The following VWA3B variants were observed in gnomAD, a reference collection of about 807,000 sequenced individuals.
VWA3B encodes von Willebrand factor A domain containing 3B.
VWA3B carries 138 observed loss-of-function variants against 158.3 expected under a neutral mutation model. That is an observed-to-expected ratio of 0.87 (90% CI 0.76 to 1.00). VWA3B has a LOEUF of 1.00. VWA3B is among the 50% of genes least tolerant of loss of function. VWA3B has a pLI of 0.00. For synonymous variants in VWA3B, 596 were observed against 587.3 expected (o/e 1.01, Z -0.21); for missense variants, 1,555 against 1,565.1 (o/e 0.99, Z 0.11).
chr2:98,147,864 C>A (rs1280469223), intron 7 of VWA3B, among the ~76,000 whole-genome samples: 2 of 145,592 alleles, frequency 1.4e-5, no homozygotes, highest in Non-Finnish European at 3.0e-5. Flanking sequence ...CCCCACCCCA[C>A]GACAGGCCCC....
At position 98,246,909 on chromosome 2, in the gene VWA3B, A is replaced by G. The variant is rs137860374; in HGVS notation, c.2674-3409A>G. ...ATATTTGAACTTTTTTTAACCTCTTATTTTTTATGCTTTCTGTTAAATGTC... is the reference window on the plus strand; with the variant it reads ...ATATTTGAACTTTTTTTAACCTCTTGTTTTTTATGCTTTCTGTTAAATGTC... On this transcript the variant is annotated intron_variant, in intron 19 of 27. Coordinates refer to ENST00000477737, the MANE Select transcript of VWA3B (RefSeq NM_144992.5). Among the ~76,000 whole-genome samples the G allele has an allele frequency of 4.6e-5, 7 of 151,794 alleles. 1 individual carries two copies. The East Asian group carries it at 1.4e-3, about 29-fold the overall frequency.
chr2:98,308,085 C>A (rs1690638199), intron 26 of VWA3B, among the ~76,000 whole-genome samples: 1 of 152,110 alleles, frequency 6.6e-6, no homozygotes, highest in South Asian at 2.1e-4. Context: ...AAATTTGACA[C>A]CTAAATGATT....
At chr2:98,248,528 G>A (rs998373678) in intron 19 of VWA3B, among the ~76,000 whole-genome samples, 8 of 152,100 alleles carry the variant, frequency 5.3e-5, no homozygotes, top group Admixed American at 4.6e-4. Flanking sequence ...TAGGTCTTGC[G>A]AGGCTACATC....
At position 98,217,888 on chromosome 2, in the gene VWA3B, A is replaced by T; in HGVS notation, c.1879A>T (p.Ile627Phe). 1 of 1,611,604 alleles carries T rather than the reference A, an allele frequency of 6.2e-7. No homozygotes were observed. Among genetic ancestry groups the T allele is most frequent in the Non-Finnish European group, 8.5e-7 (1 of 1,179,078 alleles). The part of the protein sequence containing the change: ...VIDQVKRFQE[I>F]PIYTISFNYN... ...AGACCAGGTCAAACGTTTTCAGGAA[A>T]TTCCTATTTATACCATCTCCTTCAA... is the stretch of plus-strand genomic sequence containing the variant. The change falls in exon 14 of 28, where the codon ATT becomes TTT. Residue 627 changes from isoleucine to phenylalanine, a missense_variant. Transcript: ENST00000477737.
intron 22 of VWA3B, among the ~76,000 whole-genome samples, chr2:98,278,065 G>A (rs1417605182): frequency 6.6e-6 from 1 of 152,094 alleles, no homozygotes; most frequent in Non-Finnish European, 1.5e-5. Context: ...CTGTTTTGCT[G>A]ATATTCAGGT....
At chr2:98,101,034 A>G (rs905289976) in intron 2 of VWA3B, among the ~76,000 whole-genome samples, 3 of 152,200 alleles carry the variant, frequency 2.0e-5, no homozygotes, top group Admixed American at 2.0e-4. Context: ...TAAAAAATAA[A>G]TAGAAGTTAT....
intron 8 of VWA3B, among the ~76,000 whole-genome samples, chr2:98,172,052 C>T (rs1679636420): frequency 6.6e-6 from 1 of 152,224 alleles, no homozygotes; most frequent in Non-Finnish European, 1.5e-5. Context: ...GCGTGTGTTA[C>T]AGGGTGCTCT....
At chr2:98,246,463 C>T (rs1686400641) in intron 19 of VWA3B, among the ~76,000 whole-genome samples, 1 of 152,076 alleles carries the variant, frequency 6.6e-6, no homozygotes, top group Non-Finnish European at 1.5e-5. Context: ...CTGCAACCTC[C>T]AACTCCCGAG....
At chr2:98,229,953 T>G in intron 15 of VWA3B, 97 bp from the exon 16 acceptor site, 1 of 1,327,494 alleles carries the variant, frequency 7.5e-7, no homozygotes, top group African/African-American at 1.5e-5. Context: ...AAGTTTGCAG[T>G]GTTCAACATG....
intron 2 of VWA3B, among the ~76,000 whole-genome samples, chr2:98,100,668 A>G (rs1420823425): frequency 6.6e-6 from 1 of 152,212 alleles, no homozygotes; most frequent in Non-Finnish European, 1.5e-5. Flanking sequence ...GTCAAGGGCC[A>G]TGTGGATCTG....
intron 7 of VWA3B, among the ~76,000 whole-genome samples, chr2:98,161,988 C>T (rs747271102): frequency 6.6e-6 from 1 of 152,178 alleles, no homozygotes; most frequent in South Asian, 2.1e-4. Context: ...GGATTACAGG[C>T]GTATGCCACC....
At chr2:98,247,373 A>G (rs560727457) in intron 19 of VWA3B, among the ~76,000 whole-genome samples, 11 of 152,148 alleles carry the variant, frequency 7.2e-5, no homozygotes, top group Admixed American at 2.6e-4. Context: ...GGATTTTAGT[A>G]CCTTTTAATT....
rs376793875 is a variant in VWA3B, at chr2:98,168,559, G to A, written c.1114+5583G>A. Among the ~76,000 whole-genome samples the A allele has an allele frequency of 2.0e-4, 30 of 151,948 alleles. No individual in the cohort carries two copies. The South Asian group carries it at 6.3e-3, about 32-fold the overall frequency. On this transcript the variant is annotated intron_variant, in intron 8 of 27. Coordinates refer to ENST00000477737, the MANE Select transcript of VWA3B (RefSeq NM_144992.5). ...CTTCAAGAAAGATATTTAAAAAGACGCATACTGAACTTTTAGAGACAAGAA... is the reference window on the plus strand; with the variant it reads ...CTTCAAGAAAGATATTTAAAAAGACACATACTGAACTTTTAGAGACAAGAA...
At chr2:98,239,680 C>T (rs899445286) in intron 19 of VWA3B, among the ~76,000 whole-genome samples, 5 of 151,550 alleles carry the variant, frequency 3.3e-5, no homozygotes, top group Non-Finnish European at 7.4e-5. Flanking sequence ...TTCAGGAGGC[C>T]GAGGCAGCGG....
At chr2:98,140,676 C>T (rs141399745) in intron 7 of VWA3B, among the ~76,000 whole-genome samples, 6 of 152,282 alleles carry the variant, frequency 3.9e-5, no homozygotes, top group South Asian at 2.1e-4. Flanking sequence ...GGGACCAGAG[C>T]GATGCTCCCT....
intron 25 of VWA3B, among the ~76,000 whole-genome samples, chr2:98,301,206 C>T (rs561699190): frequency 2.0e-5 from 3 of 151,598 alleles, no homozygotes; most frequent in South Asian, 2.1e-4. Flanking sequence ...AGGAGAATGG[C>T]GTGAACCTGG....
the VWA3B span, among the ~76,000 whole-genome samples, chr2:98,323,794 G>T: frequency 7.9e-5 from 12 of 152,288 alleles, no homozygotes; most frequent in Admixed American, 2.6e-4. Flanking sequence ...AAGAATTTAA[G>T]AACCTATCAG....
At chr2:98,225,714 A>G (rs1684872418) in intron 14 of VWA3B, among the ~76,000 whole-genome samples, 1 of 152,120 alleles carries the variant, frequency 6.6e-6, no homozygotes, top group African/African-American at 2.4e-5. Context: ...ACAAAAAAAA[A>G]AAAAACTGGA....
intron 5 of VWA3B, among the ~76,000 whole-genome samples, chr2:98,127,130 G>T (rs1273819665): frequency 1.3e-5 from 2 of 152,182 alleles, no homozygotes; most frequent in Middle Eastern, 3.2e-3. Context: ...CTAACACAAT[G>T]CATTTGCTGG....
Sources: gnomAD v4.1 joint callset for allele counts (sites outside exome capture counted in the v4.1 genomes callset) on GRCh38, gnomAD v4.1.1 for gene constraint, MANE v1.5 for transcripts, NCBI Gene and HGNC (gene_info 2026-07-23, HGNC 2026-07-21) for gene names.